Variants in NCOA3 observed in about 807,000 individuals in gnomAD.
The protein encoded by NCOA3 is CBP-interacting protein.
Under a neutral mutation model 158.8 loss-of-function variants are expected in NCOA3, and 51 were observed. The observed-to-expected ratio is 0.32, with a 90% CI of 0.26 to 0.41. The LOEUF (loss-of-function observed/expected upper bound fraction) is 0.41, where lower values mean the gene tolerates loss of function less well. NCOA3 is among the 10% of genes least tolerant of loss of function. The probability of loss-of-function intolerance (pLI) is 1.00; values close to 1 mark genes in which losing one functional copy is unlikely to be tolerated. For missense variants in NCOA3, 1,510 were observed against 1,746.6 expected (o/e 0.86, Z 2.41); for synonymous variants, 537 against 592.4 (o/e 0.91, Z 1.36).
intron 1 of NCOA3, among the ~76,000 whole-genome samples, chr20:47,517,148 G>A (rs1569313684): frequency 6.6e-6 from 1 of 152,132 alleles, no homozygotes; most frequent in Non-Finnish European, 1.5e-5. Context: ...AACCTTGGAG[G>A]TGGAGGTTGC....
intron 1 of NCOA3, among the ~76,000 whole-genome samples, chr20:47,572,591 C>T (rs1165210191): frequency 6.6e-6 from 1 of 151,728 alleles, no homozygotes; most frequent in Non-Finnish European, 1.5e-5. Flanking sequence ...GGCTGGAGTG[C>T]AGTGGAACAA....
intron 1 of NCOA3, among the ~76,000 whole-genome samples, chr20:47,579,151 C>G (rs990611145): frequency 1.5e-4 from 23 of 152,126 alleles, no homozygotes; most frequent in African/African-American, 5.6e-4. Flanking sequence ...AAATAAAAAC[C>G]TAAAACTAAA....
intron 2 of NCOA3, among the ~76,000 whole-genome samples, chr20:47,613,862 C>T (rs1014808110): frequency 9.3e-5 from 14 of 151,156 alleles, no homozygotes; most frequent in Admixed American, 5.3e-4. Flanking sequence ...ACTGAGATTG[C>T]GCTACTGCAC....
At chr20:47,516,291 A>T (rs2084233230) in intron 1 of NCOA3, among the ~76,000 whole-genome samples, 1 of 152,198 alleles carries the variant, frequency 6.6e-6, no homozygotes, top group Admixed American at 6.6e-5. Flanking sequence ...GGTATATGGC[A>T]AATCTCTGTA....
chr20:47,508,077 T>G (rs1284835244), intron 1 of NCOA3, among the ~76,000 whole-genome samples: 2 of 152,172 alleles, frequency 1.3e-5, no homozygotes, highest in African/African-American at 4.8e-5. Flanking sequence ...AATGATGTAG[T>G]TTTTAACTTC....
intron 1 of NCOA3, among the ~76,000 whole-genome samples, chr20:47,505,003 G>GTTTTTTGTTTTTTT (rs2084004958): frequency 1.8e-4 from 5 of 28,550 alleles, no homozygotes; most frequent in Non-Finnish European, 2.7e-4. Context: ...TGGGTTTTTG[G>GTTTTTTGTTTTTTT]TTTTTTTTTT....
intron 2 of NCOA3, among the ~76,000 whole-genome samples, chr20:47,615,242 C>T (rs1051764778): frequency 3.9e-5 from 6 of 152,080 alleles, no homozygotes; most frequent in Admixed American, 6.6e-5. Flanking sequence ...CCTTATTTCT[C>T]CCTTATTAAT....
chr20:47,627,291 T>C (rs2086338274), intron 6 of NCOA3, 115 bp downstream of exon 6: 2 of 867,708 alleles, frequency 2.3e-6, no homozygotes, highest in Admixed American at 3.0e-5. Flanking sequence ...TAGAAAGGCA[T>C]GTGATTTAAT....
intron 2 of NCOA3, among the ~76,000 whole-genome samples, chr20:47,594,699 A>C (rs1247999242): frequency 2.1e-5 from 3 of 141,270 alleles, no homozygotes; most frequent in Non-Finnish European, 4.6e-5. Flanking sequence ...AAAAAAAGAG[A>C]AGATGAAAGT....
intron 1 of NCOA3, among the ~76,000 whole-genome samples, chr20:47,506,075 G>T (rs2084027978): frequency 6.6e-6 from 1 of 152,056 alleles, no homozygotes; most frequent in South Asian, 2.1e-4. Context: ...AAAGTGCTGG[G>T]GTTACAGGCG....
At position 47,649,546 on chromosome 20, in the gene NCOA3, T is replaced by C. The variant is rs563706539; in HGVS notation, c.3651+437T>C. On this transcript the variant is annotated intron_variant, in intron 19 of 22. Transcript: ENST00000371998. ...GTGATAGCCTCTGAGATGACCTGTT[T>C]CTTGTAGTAGGAGGGGATATTAAAA... 2.6e-5 allele frequency among the ~76,000 whole-genome samples: 4 copies of C among 152,332 alleles called. 1 individual carries two copies. In the South Asian group the frequency reaches 6.2e-4, roughly 24 times the overall value.
At chr20:47,543,754 C>T (rs1256693823) in intron 1 of NCOA3, among the ~76,000 whole-genome samples, 4 of 152,200 alleles carry the variant, frequency 2.6e-5, no homozygotes, top group African/African-American at 4.8e-5. Flanking sequence ...AGGTGATCCA[C>T]CTGCCTTGTC....
At chr20:47,566,564 T>C (rs1250004206) in intron 1 of NCOA3, among the ~76,000 whole-genome samples, 1 of 152,098 alleles carries the variant, frequency 6.6e-6, no homozygotes, top group Non-Finnish European at 1.5e-5. Flanking sequence ...CAGGCTGGAG[T>C]GCAGTGGTGC....
intron 1 of NCOA3, among the ~76,000 whole-genome samples, chr20:47,570,544 C>T (rs2085274551): frequency 6.6e-6 from 1 of 152,204 alleles, no homozygotes; most frequent in African/African-American, 2.4e-5. Flanking sequence ...TTTCCTATTT[C>T]CACCACACTT....
intron 1 of NCOA3, among the ~76,000 whole-genome samples, chr20:47,522,097 A>ATCTTTTTTTTTTTTTTT (rs2084345879): frequency 9.6e-6 from 1 of 103,814 alleles, no homozygotes; most frequent in African/African-American, 3.6e-5. Context: ...CATTGTACAG[A>ATCTTTTTTTTTTTTTTT]TCTTTTTTTT....
chr20:47,582,127 C>A (rs568264538), intron 1 of NCOA3, among the ~76,000 whole-genome samples: 14 of 152,314 alleles, frequency 9.2e-5, no homozygotes, highest in Middle Eastern at 3.4e-3. Context: ...CCACCACCTC[C>A]ACTTTGCATT....
intron 1 of NCOA3, among the ~76,000 whole-genome samples, chr20:47,539,866 A>G (rs991122724): frequency 1.3e-5 from 2 of 152,258 alleles, no homozygotes; most frequent in African/African-American, 2.4e-5. Context: ...AAACTTTCAA[A>G]TAAATAATTG....
At chr20:47,652,703 G>A in intron 21 of NCOA3, 123 bp downstream of exon 21, 1 of 1,042,204 alleles carries the variant, frequency 9.6e-7, no homozygotes, top group Non-Finnish European at 1.4e-6. Flanking sequence ...ATATTAGAAG[G>A]TGTGATTTGG....
At chr20:47,580,945 A>G (rs1367263407) in intron 1 of NCOA3, among the ~76,000 whole-genome samples, 1 of 152,102 alleles carries the variant, frequency 6.6e-6, no homozygotes, top group African/African-American at 2.4e-5. Context: ...TACAAAAAAT[A>G]TAAAAATTAG....
Sources: allele counts gnomAD v4.1 joint callset (sites outside exome capture counted in the v4.1 genomes callset), GRCh38; gene constraint gnomAD v4.1.1; transcripts MANE v1.5; gene names NCBI Gene and HGNC (gene_info 2026-07-23, HGNC 2026-07-21).